Variants in GSS observed in about 807,000 individuals in gnomAD.
The protein encoded by GSS is GSH synthetase.
In GSS, 34 loss-of-function variants were observed where a neutral mutation model predicts 60.4. That is an observed-to-expected ratio of 0.56 (90% CI 0.43 to 0.75). The LOEUF (loss-of-function observed/expected upper bound fraction) is 0.75. Among genes scored for constraint, GSS ranks in the 30% least tolerant of loss-of-function variants. The pLI is 0.00. For synonymous variants in GSS, 224 were observed against 239.0 expected (o/e 0.94, Z 0.58); for missense variants, 499 against 595.1 (o/e 0.84, Z 1.68).
intron 2 of GSS, among the ~76,000 whole-genome samples, chr20:34,947,726 T>C (rs977912890): frequency 1.3e-5 from 2 of 152,170 alleles, no homozygotes; most frequent in Non-Finnish European, 2.9e-5. Context: ...ATTATTCTAC[T>C]CTTAGGATAT....
intron 8 of GSS, among the ~76,000 whole-genome samples, chr20:34,936,097 C>T (rs150350543): frequency 2.8e-4 from 43 of 152,298 alleles, no homozygotes; most frequent in Non-Finnish European, 6.0e-4. Flanking sequence ...AATGATGAGT[C>T]TGATTAAGAC....
At position 34,932,609 on chromosome 20, in the gene GSS, C is replaced by T. The variant is rs35333051; in HGVS notation, c.835-476G>A. Among the ~76,000 whole-genome samples, 15 of 152,298 alleles carry T rather than the reference C, an allele frequency of 9.8e-5. No homozygotes were observed. The East Asian group carries it at 2.3e-3, about 23-fold the overall frequency. ...CCTCAACCTGAAACCCCCTTCCTTT[C>T]GGCTTTTCCCATGCATAGCTGGATC... On this transcript the variant is annotated intron_variant, in intron 9 of 12. Coordinates refer to ENST00000651619, the MANE Select transcript of GSS (RefSeq NM_000178.4).
chr20:34,931,316 G>C lies in GSS; in HGVS notation c.1111+20C>G, dbSNP rs774439736. On this transcript the variant is annotated intron_variant, in intron 11 of 12. Transcript: ENST00000651619. ...CTAGTCCCTCTCATTGAGGAGCCCT[G>C]CAAAGGGAGATCCACCTACCTCCAC... The C allele has an allele frequency of 6.3e-7, 1 of 1,594,968 alleles. No individual in the cohort carries two copies. Among genetic ancestry groups the C allele is most frequent in the Admixed American group, 1.7e-5 (1 of 60,014 alleles).
At chr20:34,929,259 C>T (rs2081379307) in intron 12 of GSS, 142 bp downstream of exon 12, 1 of 802,884 alleles carries the variant, frequency 1.2e-6, no homozygotes, top group African/African-American at 1.7e-5. Flanking sequence ...GATAAAGAAA[C>T]AGGTAATAAA....
At position 34,941,789 on chromosome 20, in the gene GSS, T is replaced by C; in HGVS notation, c.532A>G (p.Lys178Glu). 1 of 1,611,474 alleles carries C rather than the reference T, an allele frequency of 6.2e-7. No homozygotes were observed. The highest frequency in any genetic ancestry group is 8.5e-7 in the Non-Finnish European group (1 of 1,179,080). The change falls in exon 6 of 13, where the codon AAG becomes GAG. Residue 178 changes from lysine to glutamate, a missense_variant. Transcript: ENST00000651619. ...SVLSKTKEAG[K>E]ILSNNPSKGL... ...TTGCTGGGATTATTAGAGAGGATCT[T>C]GCCAGCTTCTTTGGTCTTACTCAGG...
chr20:34,931,242 CCCGGG>C, intron 11 of GSS, 89 bp downstream of exon 11: 1 of 992,920 alleles, frequency 1.0e-6, no homozygotes, highest in South Asian at 1.3e-5. Context: ...TTCCCCCATG[CCCGGG>C]ACTGTGCCCA....
rs369657861 is a variant in GSS at position 34,929,442 on chromosome 20, G to C, written c.1260C>G (p.Val420=). Residue 420 remains valine (V), a synonymous_variant, in exon 12 of 13, where the codon GTC becomes GTG. Coordinates refer to ENST00000651619, the MANE Select transcript of GSS (RefSeq NM_000178.4). ...AGATGCCCAGCTCTGAAATGCACTG[G>C]ACCACTCGGGCAGGGCTGCCAGGCC... ...LLRPGSPARV[V]QCISELGIFG... The C allele has an allele frequency of 8.1e-6, 13 of 1,614,020 alleles. No homozygotes were observed. In the African/African-American group the frequency reaches 9.3e-5, roughly 12 times the overall value.
chr20:34,936,631 G>T, intron 8 of GSS, 132 bp downstream of exon 8: 1 of 826,966 alleles, frequency 1.2e-6, no homozygotes, highest in South Asian at 1.3e-5. Flanking sequence ...CTGGGAGGAT[G>T]AGATATTTCA....
chr20:34,938,789 A>G (rs1225242467), intron 6 of GSS, among the ~76,000 whole-genome samples: 6 of 152,160 alleles, frequency 3.9e-5, no homozygotes, highest in African/African-American at 1.4e-4. Flanking sequence ...TCTGTTTCCT[A>G]GTAGGAAAGT....
intron 9 of GSS, among the ~76,000 whole-genome samples, chr20:34,933,240 C>A (rs1373379261): frequency 6.6e-6 from 1 of 152,164 alleles, no homozygotes; most frequent in Non-Finnish European, 1.5e-5. Context: ...TCTGTTGTAT[C>A]TCCAGTGTCT....
At chr20:34,935,885 T>G (rs1193623869) in intron 8 of GSS, among the ~76,000 whole-genome samples, 1 of 152,220 alleles carries the variant, frequency 6.6e-6, no homozygotes, top group East Asian at 1.9e-4. Context: ...AGAGTCATTC[T>G]AAGAAGGCCA....
chr20:34,937,351 A>T (rs2081448581), intron 6 of GSS, among the ~76,000 whole-genome samples: 1 of 152,246 alleles, frequency 6.6e-6, no homozygotes, highest in African/African-American at 2.4e-5. Flanking sequence ...CCATCTCAAA[A>T]ACCCAAGAGG....
At chr20:34,951,972 G>A (rs2081572940) in intron 1 of GSS, 112 bp from the exon 2 acceptor site, 2 of 1,093,882 alleles carry the variant, frequency 1.8e-6, no homozygotes, top group Non-Finnish European at 2.7e-6. Flanking sequence ...TCTGTTGGAA[G>A]GGAACAGCGT....
At chr20:34,931,508 G>C in intron 10 of GSS, 91 bp from the exon 11 acceptor site, 2 of 1,000,796 alleles carry the variant, frequency 2.0e-6, no homozygotes, top group South Asian at 2.7e-5. Context: ...CAGCATCAGA[G>C]GAAGAGCAGG....
intron 10 of GSS, 139 bp downstream of exon 10, chr20:34,931,800 G>A (rs1002254129): frequency 2.6e-6 from 2 of 755,518 alleles, no homozygotes; most frequent in African/African-American, 1.7e-5. Context: ...GAGTTCTAGG[G>A]GTTCTCCAGA....
intron 8 of GSS, 34 bp from the exon 9 acceptor site, chr20:34,935,676 A>G (rs1008742699): frequency 1.3e-6 from 2 of 1,502,376 alleles, no homozygotes; most frequent in Admixed American, 1.7e-5. Context: ...TGCTGTGTTA[A>G]ATTATAACTG....
intron 9 of GSS, chr20:34,934,251 T>C (rs6087653): frequency 0.54 from 81,426 of 150,404 alleles, 22,831 homozygotes; most frequent in South Asian, 0.73. Flanking sequence ...TAAGTTTTCT[T>C]TGTCGTGTTT....
intron 9 of GSS, among the ~76,000 whole-genome samples, chr20:34,934,439 G>A (rs373463727): frequency 6.6e-6 from 1 of 151,988 alleles, no homozygotes; most frequent in East Asian, 2.0e-4. Flanking sequence ...ACCACGCCCG[G>A]CTAATTTTTG....
At chr20:34,952,231 A>G in intron 1 of GSS, 1 of 337,240 alleles carries the variant, frequency 3.0e-6, no homozygotes, top group Non-Finnish European at 5.8e-6. Flanking sequence ...TTGGAGAAAG[A>G]AGCACTAATA....
Sources: gnomAD v4.1 joint callset for allele counts (sites outside exome capture counted in the v4.1 genomes callset) on GRCh38, gnomAD v4.1.1 for gene constraint, MANE v1.5 for transcripts, NCBI Gene and HGNC (gene_info 2026-07-23, HGNC 2026-07-21) for gene names.